Variants in GALNT13 observed in about 807,000 individuals in gnomAD.
GALNT13 encodes the protein polypeptide N-acetylgalactosaminyltransferase 13.
Under a neutral mutation model 64.2 loss-of-function variants are expected in GALNT13, and 28 were observed. That is an observed-to-expected ratio of 0.44 (90% CI 0.32 to 0.60). The LOEUF is 0.60. Among genes scored for constraint, GALNT13 ranks in the 20% least tolerant of loss-of-function variants. The probability of loss-of-function intolerance (pLI) is 0.05; values close to 1 mark genes in which losing one functional copy is unlikely to be tolerated. For synonymous variants in GALNT13, 214 were observed against 224.6 expected (o/e 0.95, Z 0.42); for missense variants, 577 against 669.8 (o/e 0.86, Z 1.53).
At chr2:154,253,351 C>A (rs1206926153) in intron 7 of GALNT13, among the ~76,000 whole-genome samples, 2 of 152,166 alleles carry the variant, frequency 1.3e-5, no homozygotes, top group Admixed American at 1.3e-4. Context: ...TACATTTTAG[C>A]ATTACTGAAT....
At chr2:154,147,323 G>GTATTTGAATGGAATATATA (rs1415839851) in intron 4 of GALNT13, among the ~76,000 whole-genome samples, 2 of 149,434 alleles carry the variant, frequency 1.3e-5, no homozygotes, top group Non-Finnish European at 3.0e-5. Context: ...ACATATATAT[G>GTATTTGAATGGAATATATA]TATTTGAATG....
intron 3 of GALNT13, among the ~76,000 whole-genome samples, chr2:153,959,940 G>T (rs143111917): frequency 1.3e-5 from 2 of 152,260 alleles, no homozygotes; most frequent in African/African-American, 2.4e-5. Context: ...CCTCACAGCC[G>T]TCTCACCGAT....
At chr2:154,146,656 A>G (rs1683619536) in intron 4 of GALNT13, among the ~76,000 whole-genome samples, 1 of 152,044 alleles carries the variant, frequency 6.6e-6, no homozygotes, top group South Asian at 2.1e-4. Flanking sequence ...CATACATTTG[A>G]CTTATAAAAG....
At chr2:153,153,990 TATGGCCATTTCATGATATTGATTA>T in the GALNT13 span, among the ~76,000 whole-genome samples, 1,224 of 152,248 alleles carry the variant, frequency 8.0e-3, 10 homozygotes, top group Non-Finnish European at 0.01. Flanking sequence ...CTTTGAGCAG[TATGGCCATTTCATGATATTGATTA>T]TTCCTATCCA....
At chr2:154,412,568 A>G (rs707055) in intron 11 of GALNT13, among the ~76,000 whole-genome samples, 150,546 of 151,598 alleles carry the variant, frequency 0.99, 74,759 homozygotes, top group Middle Eastern at 1. Context: ...TTTGTTTGTC[A>G]ACAATTATAC....
chr2:153,709,184 A>G, the GALNT13 span, among the ~76,000 whole-genome samples: 7 of 152,114 alleles, frequency 4.6e-5, no homozygotes, highest in Admixed American at 1.3e-4. Context: ...AGCAAGGTCA[A>G]GAAACAATTT....
chr2:153,803,063 T>C, the GALNT13 span, among the ~76,000 whole-genome samples: 8 of 152,254 alleles, frequency 5.3e-5, no homozygotes, highest in Non-Finnish European at 1.0e-4. Context: ...CTGAAGATTC[T>C]TATTTTGATG....
the GALNT13 span, chr2:153,370,464 A>G: frequency 6.6e-6 from 1 of 152,204 alleles, no homozygotes; most frequent in Non-Finnish European, 1.5e-5. Context: ...AAAATAACAT[A>G]TCACGAGTAA....
At chr2:153,903,757 C>T (rs1283706528) in intron 2 of GALNT13, among the ~76,000 whole-genome samples, 2 of 151,988 alleles carry the variant, frequency 1.3e-5, no homozygotes, top group African/African-American at 4.8e-5. Flanking sequence ...ATTTCACCTA[C>T]ATAATTATTA....
At chr2:153,412,493 G>C in the GALNT13 span, among the ~76,000 whole-genome samples, 1 of 152,176 alleles carries the variant, frequency 6.6e-6, no homozygotes, top group Non-Finnish European at 1.5e-5. Context: ...TCTCAAAATA[G>C]ATGAAGTCAA....
At chr2:153,431,275 T>C in the GALNT13 span, among the ~76,000 whole-genome samples, 1 of 152,188 alleles carries the variant, frequency 6.6e-6, no homozygotes, top group Non-Finnish European at 1.5e-5. Context: ...TTTTTTGTCT[T>C]AGGCCTTGAG....
chr2:154,226,806 A>G (rs1688641692), intron 4 of GALNT13, among the ~76,000 whole-genome samples: 1 of 152,164 alleles, frequency 6.6e-6, no homozygotes, highest in Non-Finnish European at 1.5e-5. Context: ...TTGTTCCTTG[A>G]AACATTTCTT....
At chr2:154,200,863 G>A (rs1468307851) in intron 4 of GALNT13, among the ~76,000 whole-genome samples, 1 of 152,078 alleles carries the variant, frequency 6.6e-6, no homozygotes, top group East Asian at 1.9e-4. Context: ...TACATGATGA[G>A]ACAGTTCATC....
At chr2:153,166,652 TG>T in the GALNT13 span, among the ~76,000 whole-genome samples, 35 of 151,640 alleles carry the variant, frequency 2.3e-4, no homozygotes, top group African/African-American at 8.5e-4. Context: ...TGTGTGTGTG[TG>T]TGTGTGTGTG....
the GALNT13 span, among the ~76,000 whole-genome samples, chr2:153,504,898 G>T: frequency 6.6e-6 from 1 of 152,270 alleles, no homozygotes; most frequent in African/African-American, 2.4e-5. Flanking sequence ...CGGCTTCATA[G>T]AATGGTTTAG....
chr2:153,263,579 G>T, the GALNT13 span, among the ~76,000 whole-genome samples: 1 of 152,114 alleles, frequency 6.6e-6, no homozygotes, highest in Non-Finnish European at 1.5e-5. Flanking sequence ...AAGCAGCATG[G>T]TACTGGTACA....
At chr2:153,147,803 G>A in the GALNT13 span, among the ~76,000 whole-genome samples, 1 of 151,644 alleles carries the variant, frequency 6.6e-6, no homozygotes, top group Admixed American at 6.6e-5. Context: ...TGGAGCATTG[G>A]GCATTCATTA....
the GALNT13 span, among the ~76,000 whole-genome samples, chr2:153,699,584 C>T: frequency 1.3e-3 from 197 of 151,288 alleles, no homozygotes; most frequent in Middle Eastern, 6.8e-3. Flanking sequence ...GCAAAATAGA[C>T]GGACCGCAAG....
chr2:153,139,093 G>A, the GALNT13 span, among the ~76,000 whole-genome samples: 1 of 151,986 alleles, frequency 6.6e-6, no homozygotes, highest in Non-Finnish European at 1.5e-5. Flanking sequence ...ATCATTTCAT[G>A]TTATTTCATA....
Sources: gnomAD v4.1 joint callset for allele counts (sites outside exome capture counted in the v4.1 genomes callset) on GRCh38, gnomAD v4.1.1 for gene constraint, MANE v1.5 for transcripts, NCBI Gene and HGNC (gene_info 2026-07-23, HGNC 2026-07-21) for gene names.